COL4A6: variants seen among roughly 807,000 people sequenced by gnomAD.
COL4A6 encodes the protein collagen type IV alpha 6 chain, also known as collagen alpha-6(IV) chain.
In COL4A6, 59 loss-of-function variants were observed where a neutral mutation model predicts 126.7. That is an observed-to-expected ratio of 0.47 (90% CI 0.38 to 0.58). The LOEUF (loss-of-function observed/expected upper bound fraction) is 0.58, where lower values mean the gene tolerates loss of function less well. Ranked by LOEUF, COL4A6 falls within the 20% of genes least tolerant of loss-of-function variation. The pLI, the probability that COL4A6 is intolerant of heterozygous loss-of-function variation, is 0.00. For synonymous variants in COL4A6, 547 were observed against 496.6 expected, an observed-to-expected ratio of 1.10 and a Z score of -1.35; for missense variants, 1,285 against 1,337.3, an observed-to-expected ratio of 0.96 and a Z score of 0.61.
intron 2 of COL4A6, among the ~76,000 whole-genome samples, chrX:108,343,204 GTA>G: frequency 1.0e-5 from 1 of 97,791 alleles, no homozygotes; most frequent in South Asian, 5.0e-4. Context: ...GTGTGTGTGT[GTA>G]TGTACAAAGG....
At chrX:108,218,656 T>G (rs1267517516) in intron 5 of COL4A6, among the ~76,000 whole-genome samples, 5 of 111,765 alleles carry the variant, frequency 4.5e-5, no homozygotes, top group Non-Finnish European at 5.6e-5. Context: ...TAAATATCTA[T>G]AGATTGGCAA....
intron 2 of COL4A6, among the ~76,000 whole-genome samples, chrX:108,351,224 C>G (rs2039833665): frequency 1.8e-5 from 2 of 111,028 alleles, no homozygotes; most frequent in South Asian, 7.6e-4. Flanking sequence ...GAATTTGTGT[C>G]CTAGAAAAAT....
intron 3 of COL4A6, among the ~76,000 whole-genome samples, chrX:108,244,394 A>T (rs1319935832): frequency 1.8e-5 from 2 of 111,780 alleles, no homozygotes; most frequent in Non-Finnish European, 3.8e-5. Context: ...TCACAAAAAC[A>T]TTCTACTGTG....
At chrX:108,240,391 T>C (rs954394283) in intron 3 of COL4A6, among the ~76,000 whole-genome samples, 1 of 112,657 alleles carries the variant, frequency 8.9e-6, no homozygotes, top group Non-Finnish European at 1.9e-5. Flanking sequence ...CATCTGTTTG[T>C]AGAATTTAAA....
At chrX:108,269,026 A>G in intron 3 of COL4A6, 1 of 323,091 alleles carries the variant, frequency 3.1e-6, no homozygotes, top group Admixed American at 3.3e-5. Flanking sequence ...GGGGAAAGAG[A>G]ACATCAGAAC....
At chrX:108,160,326 T>C in intron 43 of COL4A6, 137 bp downstream of exon 43, 1 of 589,432 alleles carries the variant, frequency 1.7e-6, no homozygotes, top group African/African-American at 2.3e-5. Flanking sequence ...TGAATCCAGA[T>C]CCACCTGACT....
chrX:108,158,580 G>A (rs2033814095), intron 44 of COL4A6, among the ~76,000 whole-genome samples: 1 of 112,171 alleles, frequency 8.9e-6, no homozygotes, highest in Non-Finnish European at 1.9e-5. Flanking sequence ...GGACAGGTGA[G>A]GTGATTCTGT....
intron 2 of COL4A6, among the ~76,000 whole-genome samples, chrX:108,324,087 G>A (rs764305965): frequency 8.9e-6 from 1 of 112,357 alleles, no homozygotes; most frequent in African/African-American, 3.2e-5. Context: ...ATCCTTTAAC[G>A]TTTCTAGTTG....
At chrX:108,410,091 C>T (rs139033331) in intron 2 of COL4A6, among the ~76,000 whole-genome samples, 126 of 111,600 alleles carry the variant, frequency 1.1e-3, no homozygotes, top group African/African-American at 3.6e-3. Context: ...GTTTCCTGAA[C>T]GTTCTTATCT....
intron 2 of COL4A6, among the ~76,000 whole-genome samples, chrX:108,430,175 G>A (rs1349145675): frequency 5.4e-5 from 6 of 111,885 alleles, no homozygotes; most frequent in Non-Finnish European, 9.4e-5. Context: ...GGGTATTAAG[G>A]ATTGAGTAGG....
chrX:108,189,304 A>T (rs2034963750), intron 20 of COL4A6, among the ~76,000 whole-genome samples: 1 of 112,198 alleles, frequency 8.9e-6, no homozygotes, highest in African/African-American at 3.2e-5. Context: ...CTTGAGTGTG[A>T]TCCTGCATGA....
chrX:108,371,702 A>G (rs1381843678), intron 2 of COL4A6, among the ~76,000 whole-genome samples: 1 of 108,536 alleles, frequency 9.2e-6, no homozygotes, highest in African/African-American at 3.4e-5. Context: ...GGTGGCAGTG[A>G]CCCATGATTG....
chrX:108,209,835 A>T, intron 8 of COL4A6, 134 bp downstream of exon 8: 1 of 597,596 alleles, frequency 1.7e-6, no homozygotes, highest in Non-Finnish European at 2.6e-6. Context: ...CAATACTGTG[A>T]CCCATTCTAC....
chrX:108,351,359 G>C (rs756792468), intron 2 of COL4A6, among the ~76,000 whole-genome samples: 1 of 110,774 alleles, frequency 9.0e-6, no homozygotes, highest in African/African-American at 3.3e-5. Flanking sequence ...GTAGCAATGT[G>C]TATAATTTAA....
intron 3 of COL4A6, among the ~76,000 whole-genome samples, chrX:108,259,045 T>A (rs1345029132): frequency 9.0e-6 from 1 of 111,419 alleles, no homozygotes; most frequent in East Asian, 2.8e-4. Context: ...GCATAGACCG[T>A]AAGTAAGAGG....
At chrX:108,242,507 T>A (rs1384244701) in intron 3 of COL4A6, among the ~76,000 whole-genome samples, 1 of 112,030 alleles carries the variant, frequency 8.9e-6, no homozygotes, top group Admixed American at 9.5e-5. Flanking sequence ...CTAGATTGAG[T>A]TAGTGGTAAA....
rs767103071 is a variant in COL4A6, at chrX:108,192,573, AG to A, written c.1079del (p.Pro360LeufsTer40). The A allele has an allele frequency of 2.5e-6, 3 of 1,178,919 alleles. No individual in the cohort carries two copies. Among genetic ancestry groups the A allele is most frequent in the Non-Finnish European group, 3.5e-6 (3 of 869,064 alleles). On this transcript the variant is annotated frameshift_variant, in exon 18 of 45. Coordinates refer to ENST00000334504, the MANE Select transcript of COL4A6 (RefSeq NM_033641.4). LOFTEE classifies it high-confidence loss of function. ...GGAGGCCAGGTACACCAGGATCTCCAGGATTACCTGGCATTGTAATGAAAGA... is the reference window on the plus strand; with the variant it reads ...GGAGGCCAGGTACACCAGGATCTCCAGATTACCTGGCATTGTAATGAAAGA... ...DIDGAVISGN[P>X]GDPGVPGLPG...
At chrX:108,331,781 G>A (rs1315318540) in intron 2 of COL4A6, among the ~76,000 whole-genome samples, 1 of 111,331 alleles carries the variant, frequency 9.0e-6, no homozygotes, top group East Asian at 2.8e-4. Context: ...TTTCTCTTGA[G>A]GCCTTCAGCT....
At chrX:108,432,173 A>G (rs1007476863) in intron 2 of COL4A6, among the ~76,000 whole-genome samples, 1 of 112,203 alleles carries the variant, frequency 8.9e-6, no homozygotes, top group Non-Finnish European at 1.9e-5. Context: ...AACCATAGTG[A>G]TATGTCTTTA....
Sources: gnomAD v4.1 joint callset for allele counts (sites outside exome capture counted in the v4.1 genomes callset) on GRCh38, gnomAD v4.1.1 for gene constraint, MANE v1.5 for transcripts, NCBI Gene and HGNC (gene_info 2026-07-23, HGNC 2026-07-21) for gene names.